LONRF3: variants seen among roughly 807,000 people sequenced by gnomAD.
The protein encoded by LONRF3 is LON peptidase N-terminal domain and ring finger 3, also known as LON peptidase N-terminal domain and RING finger protein 3.
In LONRF3, 19 loss-of-function variants were observed where a neutral mutation model predicts 51.7. The observed-to-expected ratio is 0.37, with a 90% CI of 0.26 to 0.54. The LOEUF (loss-of-function observed/expected upper bound fraction) is 0.54. LONRF3 is among the 20% of genes least tolerant of loss of function. The probability of loss-of-function intolerance (pLI) is 0.86; values close to 1 mark genes in which losing one functional copy is unlikely to be tolerated. For synonymous variants in LONRF3, 265 were observed against 257.8 expected, an observed-to-expected ratio of 1.03 and a Z score of -0.27; for missense variants, 521 against 623.9, an observed-to-expected ratio of 0.84 and a Z score of 1.76.
chrX:119,016,162 A>G (rs1317370301), intron 10 of LONRF3, among the ~76,000 whole-genome samples: 2 of 111,597 alleles, frequency 1.8e-5, no homozygotes, highest in Non-Finnish European at 3.8e-5. Context: ...ATGGTTCTCT[A>G]TAGTCCTAAA....
At chrX:118,996,864 G>A (rs1923904802) in intron 5 of LONRF3, among the ~76,000 whole-genome samples, 1 of 106,289 alleles carries the variant, frequency 9.4e-6, no homozygotes, top group Non-Finnish European at 1.9e-5. Context: ...GGAGCTTGCA[G>A]TGAGCAGAGA....
Position 119,006,233 on chromosome X carries a change from C to A in LONRF3, c.1528C>A (p.Gln510Lys). Residue 510 changes from glutamine (Q) to lysine (K), a missense_variant and splice_region_variant, in exon 6 of 11, where the codon CAG (glutamine) becomes AAG (lysine). Gln to Lys is a moderately conservative substitution (Grantham distance 53). Transcript: ENST00000371628. ...KCPLCKDGLS[Q>K]CLASRKYSKN... is the part of the protein sequence containing the mutation. ...TCCATTGTGCAAAGACGGTCTTTCACAGGTAAATCAATATTTCTTTCTTGT... is the reference window on the plus strand; with the variant it reads ...TCCATTGTGCAAAGACGGTCTTTCAAAGGTAAATCAATATTTCTTTCTTGT... 1.8e-6 allele frequency: 2 copies of A among 1,103,082 alleles called. No homozygotes were observed. The highest frequency in any genetic ancestry group is 2.5e-6 in the Non-Finnish European group (2 of 805,711). The allele number at this position is 1,103,082 out of a possible 1,213,427, so 90.9% of individuals were successfully genotyped here.
chrX:119,017,080 C>G (rs1193628332), intron 10 of LONRF3, among the ~76,000 whole-genome samples: 1 of 111,890 alleles, frequency 8.9e-6, no homozygotes, highest in Admixed American at 9.5e-5. Context: ...TAGGGCAGCT[C>G]TATTCCACAA....
intron 5 of LONRF3, among the ~76,000 whole-genome samples, chrX:119,003,500 C>A (rs5910480): frequency 0.33 from 36,421 of 111,372 alleles, 4,773 homozygotes; most frequent in East Asian, 0.46. Context: ...GAAAATCTTT[C>A]CCCCATCTGC....
intron 3 of LONRF3, among the ~76,000 whole-genome samples, chrX:118,983,667 C>T (rs1028041006): frequency 1.8e-5 from 2 of 112,110 alleles, no homozygotes; most frequent in Non-Finnish European, 3.8e-5. Flanking sequence ...TCTGGGTAAT[C>T]GGCCTGTAAG....
rs58488155 is a variant in LONRF3, at chrX:118,997,785, A to T, written c.1415+7225A>T. On this transcript the variant is annotated intron_variant, in intron 5 of 10. Transcript: ENST00000371628. ...CAAACTTAAACAAATCAGTAAGAAAAAAACAATCCCATCAAAATATGGGCT... is the reference window on the plus strand; with the variant it reads ...CAAACTTAAACAAATCAGTAAGAAATAAACAATCCCATCAAAATATGGGCT... Among the ~76,000 whole-genome samples, 126 of 112,699 alleles carry T rather than the reference A, an allele frequency of 1.1e-3. No homozygotes were observed. The East Asian group carries it at 0.032, about 28-fold the overall frequency.
chrX:118,993,334 T>G (rs770856254), intron 5 of LONRF3, among the ~76,000 whole-genome samples: 1 of 111,125 alleles, frequency 9.0e-6, no homozygotes, highest in Admixed American at 9.5e-5. Context: ...GAAAAAACAA[T>G]AAAAAATTCA....
chrX:119,012,007 G>C (rs1317056820), intron 8 of LONRF3, 34 bp downstream of exon 8: 2 of 1,197,745 alleles, frequency 1.7e-6, no homozygotes, highest in East Asian at 5.9e-5. Context: ...AAGGGAGGTT[G>C]TGTAATGAGG....
At chrX:118,999,466 GTAGACT>G (rs200450796) in intron 5 of LONRF3, among the ~76,000 whole-genome samples, 4,103 of 112,180 alleles carry the variant, frequency 0.037, 209 homozygotes, top group African/African-American at 0.13. Context: ...GCGCTGTGGA[GTAGACT>G]TGACTTAGCC....
rs1922662334 is a variant in LONRF3, at chrX:118,982,753, G to A, written c.937-68G>A. The stretch of plus-strand genomic sequence containing the variant: ...ACACAACAGTGAGTGCTGTGGGTTA[G>A]TTATTGTTAGAGCAGTAGTGTTAAT... On this transcript the variant is annotated intron_variant, in intron 2 of 10. Coordinates refer to ENST00000371628, the MANE Select transcript of LONRF3 (RefSeq NM_001031855.3). The A allele has an allele frequency of 1.5e-5, 17 of 1,168,068 alleles. No homozygotes were observed. The African/African-American group carries it at 1.8e-4, about 12-fold the overall frequency.
chrX:118,992,242 C>T (rs1018199783), intron 5 of LONRF3, among the ~76,000 whole-genome samples: 14 of 111,148 alleles, frequency 1.3e-4, no homozygotes, highest in Non-Finnish European at 2.3e-4. Flanking sequence ...AGGAGACACC[C>T]CAAATACTCT....
intron 2 of LONRF3, among the ~76,000 whole-genome samples, chrX:118,982,471 A>G (rs1213412442): frequency 9.0e-6 from 1 of 111,503 alleles, no homozygotes; most frequent in Non-Finnish European, 1.9e-5. Context: ...ATGTGGTCAA[A>G]TGGGGGTTCT....
At chrX:119,015,956 A>G (rs932333586) in intron 10 of LONRF3, among the ~76,000 whole-genome samples, 5 of 112,381 alleles carry the variant, frequency 4.4e-5, no homozygotes, top group Non-Finnish European at 9.4e-5. Context: ...ATCCTTGGAA[A>G]GAAAGTTCAG....
rs6646315 is a variant in LONRF3 at position 119,016,095 on chromosome X, C to T, written c.2125-1440C>T. Among the ~76,000 whole-genome samples, 617 of 111,953 alleles carry T rather than the reference C, an allele frequency of 5.5e-3. 11 individuals are homozygous for T. The East Asian group carries it at 0.1, about 19-fold the overall frequency. On this transcript the variant is annotated intron_variant, in intron 10 of 10. Transcript: ENST00000371628. ...CAAAGAAGGCAGTGAGATTTGGTGA[C>T]GATCAGAGGAACCAATTTGGAGCCA... is the stretch of plus-strand genomic sequence containing the variant.
At chrX:118,983,083 G>T in intron 3 of LONRF3, 140 bp downstream of exon 3, 1 of 570,387 alleles carries the variant, frequency 1.8e-6, no homozygotes, top group Admixed American at 3.7e-5. Context: ...GGGACAAAAG[G>T]GAGATGGGAG....
chrX:118,987,281 T>G (rs1034460676), intron 3 of LONRF3, among the ~76,000 whole-genome samples: 1 of 109,209 alleles, frequency 9.2e-6, no homozygotes, highest in Non-Finnish European at 1.9e-5. Context: ...ATTCATTACA[T>G]TGAAAAAAAA....
At chrX:118,993,352 T>C (rs1923572501) in intron 5 of LONRF3, among the ~76,000 whole-genome samples, 1 of 111,251 alleles carries the variant, frequency 9.0e-6, no homozygotes, top group Admixed American at 9.5e-5. Context: ...TCAGGAAACT[T>C]TGGACACTCT....
At position 119,014,348 on chromosome X, in the gene LONRF3, G is replaced by T. The variant is rs1258460821; in HGVS notation, c.2116G>T (p.Asp706Tyr). The T allele has an allele frequency of 4.1e-6, 5 of 1,207,744 alleles. No individual in the cohort carries two copies. Among genetic ancestry groups the T allele is most frequent in the Admixed American group, 4.4e-5 (2 of 45,464 alleles). Residue 706 changes from aspartate to tyrosine, a missense_variant, in exon 10 of 11, where the codon GAT becomes TAT. By Grantham distance (160) the Asp-to-Tyr change is radical. Around this residue, in one of 2 missense-constraint regions of LONRF3, gnomAD observed 145 missense variants for 247.2 expected, o/e 0.59. Transcript: ENST00000371628. Reference sequence around the variant, plus strand: ...TGGTCCCATGCCGGAGAAAGACGCCGATCCTCAGGTATAGAAAAATGTCTA... The same window carrying T: ...TGGTCCCATGCCGGAGAAAGACGCCTATCCTCAGGTATAGAAAAATGTCTA... ...HFGPMPEKDA[D>Y]PQMNPNGPAW...
At chrX:118,980,090 G>A (rs1922441551) in intron 2 of LONRF3, among the ~76,000 whole-genome samples, 1 of 112,205 alleles carries the variant, frequency 8.9e-6, no homozygotes, top group South Asian at 3.7e-4. Context: ...AAAAGTGAAC[G>A]TGGCCAAGAG....
Sources: gnomAD v4.1 joint callset for allele counts (sites outside exome capture counted in the v4.1 genomes callset) on GRCh38, gnomAD v4.1.1 for gene constraint, gnomAD v4.1.1 regional missense constraint, MANE v1.5 for transcripts, NCBI Gene and HGNC (gene_info 2026-07-23, HGNC 2026-07-21) for gene names.